Variants in PPP1R12B observed in about 807,000 individuals in gnomAD.
PPP1R12B encodes protein phosphatase 1 regulatory subunit 12B, also known as myosin phosphatase target subunit 2.
PPP1R12B carries 76 observed loss-of-function variants against 126.1 expected under a neutral mutation model. That is an observed-to-expected ratio of 0.60 (90% CI 0.50 to 0.73). The LOEUF (loss-of-function observed/expected upper bound fraction) is 0.73, where lower values mean the gene tolerates loss of function less well. PPP1R12B is among the 30% of genes least tolerant of loss of function. PPP1R12B has a pLI of 0.00. For missense variants in PPP1R12B, 1,052 were observed against 1,205.1 expected (o/e 0.87, Z 1.88); for synonymous variants, 356 against 434.7 (o/e 0.82, Z 2.25).
intron 23 of PPP1R12B, among the ~76,000 whole-genome samples, chr1:202,573,264 C>T (rs554582924): frequency 1.3e-5 from 2 of 152,226 alleles, no homozygotes; most frequent in African/African-American, 4.8e-5. Context: ...GAAGATTGCC[C>T]GGTCCTCACC....
In PPP1R12B at chr1:202,565,802, T is replaced by G. The variant is rs1687993206; in HGVS notation, c.2757+1255T>G. On this transcript the variant is annotated intron_variant, in intron 21 of 23. Coordinates refer to ENST00000608999, the MANE Select transcript of PPP1R12B (RefSeq NM_002481.4). The surrounding 1 kb of genome is among the most constrained non-coding windows in gnomAD (Gnocchi z 4.3). ...TTGTGGAATAAGAAAAGTAGGTTTC[T>G]AAATCTAAAAGAGAAAAATACACAC... 6.6e-6 allele frequency among the ~76,000 whole-genome samples: 1 copy of G among 151,448 alleles called. No homozygotes were observed. The highest frequency in any genetic ancestry group is 1.5e-5 in the Non-Finnish European group (1 of 67,926).
chr1:202,498,862 C>T (rs185805676), intron 18 of PPP1R12B, among the ~76,000 whole-genome samples: 16 of 152,254 alleles, frequency 1.1e-4, no homozygotes, highest in African/African-American at 3.1e-4. Flanking sequence ...CAGCTCTTTC[C>T]TTTCTTGGTT....
At chr1:202,530,624 A>G (rs1683833585) in intron 18 of PPP1R12B, among the ~76,000 whole-genome samples, 1 of 152,190 alleles carries the variant, frequency 6.6e-6, no homozygotes, top group South Asian at 2.1e-4. Flanking sequence ...GCATGATTAA[A>G]TATATGGGAG....
intron 23 of PPP1R12B, among the ~76,000 whole-genome samples, chr1:202,579,662 G>A (rs1022523921): frequency 3.3e-5 from 5 of 152,168 alleles, no homozygotes; most frequent in Non-Finnish European, 5.9e-5. Context: ...TTCCAGGATA[G>A]CAGAACTAAT....
chr1:202,362,877 A>G lies in PPP1R12B; in HGVS notation c.291+13735A>G, dbSNP rs181092609. On this transcript the variant is annotated intron_variant, in intron 1 of 23. Coordinates refer to ENST00000608999, the MANE Select transcript of PPP1R12B (RefSeq NM_002481.4). ...GAGACAGAGTTTCCCTCTGTTGCCC[A>G]GGCTGGAGTGCAATGGCACGATCTT... Among the ~76,000 whole-genome samples, 155 of 152,240 alleles carry G rather than the reference A, an allele frequency of 1.0e-3. 4 individuals are homozygous for G. The East Asian group carries it at 0.018, about 18-fold the overall frequency.
chr1:202,499,646 A>C (rs912617447), intron 18 of PPP1R12B, among the ~76,000 whole-genome samples: 3 of 152,232 alleles, frequency 2.0e-5, no homozygotes, highest in African/African-American at 7.2e-5. Flanking sequence ...AAATGATTCA[A>C]AATATCTATG....
At position 202,422,675 on chromosome 1, in the gene PPP1R12B, C is replaced by G; in HGVS notation, c.478C>G (p.Pro160Ala). ...VGIVNSEGEV[P>A]SDLAEEPAMK... ...TATTGTCAATAGTGAAGGTGAAGTT[C>G]CCTCTGACCTTGCAGAAGAGCCAGC... The change falls in exon 3 of 24, where the codon CCC (proline) becomes GCC (alanine). Residue 160 changes from proline (P) to alanine (A), a missense_variant. Physicochemically the swap from Pro to Ala is conservative, Grantham distance 27. Transcript: ENST00000608999. 1 of 1,613,764 alleles carries G rather than the reference C, an allele frequency of 6.2e-7. No homozygotes were observed. Among genetic ancestry groups the G allele is most frequent in the Non-Finnish European group, 8.5e-7 (1 of 1,179,790 alleles).
rs1451257511 is a variant in PPP1R12B at position 202,407,505 on chromosome 1, T to A, written c.292-9282T>A. Among the ~76,000 whole-genome samples the A allele has an allele frequency of 2.0e-5, 3 of 152,212 alleles. No individual in the cohort carries two copies. The East Asian group carries it at 5.8e-4, about 29-fold the overall frequency. ...GTCCAGAGCCTGCCTGACCACTGAGTACATAATCAGATATAGTTCTCACCA... is the reference window on the plus strand; with the variant it reads ...GTCCAGAGCCTGCCTGACCACTGAGAACATAATCAGATATAGTTCTCACCA... On this transcript the variant is annotated intron_variant, in intron 1 of 23. Transcript: ENST00000608999.
chr1:202,548,369 TG>T (rs1212112445), intron 18 of PPP1R12B, among the ~76,000 whole-genome samples: 12 of 152,252 alleles, frequency 7.9e-5, no homozygotes, highest in Admixed American at 5.2e-4. Context: ...TGTTTTGTTT[TG>T]TTTTTTTTGA....
Position 202,388,298 on chromosome 1 carries a change from C to T in PPP1R12B, c.292-28489C>T, listed in dbSNP as rs373396561. 6.1e-4 allele frequency among the ~76,000 whole-genome samples: 93 copies of T among 152,288 alleles called. No individual in the cohort carries two copies. The South Asian group carries it at 0.011, about 18-fold the overall frequency. On this transcript the variant is annotated intron_variant, in intron 1 of 23. Coordinates refer to ENST00000608999, the MANE Select transcript of PPP1R12B (RefSeq NM_002481.4). Reference sequence around the variant, plus strand: ...TCCTGAGTTCAAGCGATTCTTCTGCCTCAGCCTCCTGAGTAGCTGGGACTG... The same window carrying T: ...TCCTGAGTTCAAGCGATTCTTCTGCTTCAGCCTCCTGAGTAGCTGGGACTG...
intron 23 of PPP1R12B, among the ~76,000 whole-genome samples, chr1:202,570,043 G>A (rs567935867): frequency 6.6e-6 from 1 of 152,300 alleles, no homozygotes; most frequent in Admixed American, 6.5e-5. Context: ...TGAAACATCT[G>A]ATTCCTGCAA....
intron 18 of PPP1R12B, among the ~76,000 whole-genome samples, chr1:202,509,734 A>G (rs964359244): frequency 7.2e-5 from 11 of 152,142 alleles, no homozygotes; most frequent in African/African-American, 2.7e-4. Context: ...TGCCTTGTCA[A>G]CGCTTAGTCT....
chr1:202,447,640 A>T (rs886094037), intron 12 of PPP1R12B, among the ~76,000 whole-genome samples: 1 of 152,242 alleles, frequency 6.6e-6, no homozygotes, highest in East Asian at 1.9e-4. Flanking sequence ...ATTACACTGC[A>T]TTTCAAAATA....
intron 18 of PPP1R12B, among the ~76,000 whole-genome samples, chr1:202,511,803 T>C (rs2148895916): frequency 1.4e-5 from 2 of 145,378 alleles, no homozygotes; most frequent in South Asian, 2.2e-4. Flanking sequence ...TGAGATGGAG[T>C]TTCGCTCTTG....
intron 1 of PPP1R12B, among the ~76,000 whole-genome samples, chr1:202,351,016 G>A (rs147392075): frequency 4.6e-5 from 7 of 152,076 alleles, no homozygotes; most frequent in African/African-American, 1.7e-4. Flanking sequence ...TCCATTTATA[G>A]GGCTGACAAG....
At chr1:202,559,195 A>G (rs1437369802) in intron 19 of PPP1R12B, among the ~76,000 whole-genome samples, 2 of 152,212 alleles carry the variant, frequency 1.3e-5, no homozygotes, top group Admixed American at 6.5e-5. Context: ...TATTAGGGAA[A>G]CAACATGAAT....
intron 18 of PPP1R12B, among the ~76,000 whole-genome samples, chr1:202,517,231 C>T (rs1223054597): frequency 6.6e-6 from 1 of 152,034 alleles, no homozygotes; most frequent in East Asian, 1.9e-4. Context: ...TTCCTGCCAG[C>T]TCTCCCCTCC....
intron 22 of PPP1R12B, among the ~76,000 whole-genome samples, chr1:202,568,060 T>A: frequency 6.6e-6 from 1 of 152,152 alleles, no homozygotes; most frequent in East Asian, 1.9e-4. Context: ...ATATTTAGTC[T>A]TAGGGTGGGA....
chr1:202,478,674 A>C (rs1313676628), intron 13 of PPP1R12B, among the ~76,000 whole-genome samples: 2 of 152,178 alleles, frequency 1.3e-5, no homozygotes, highest in Non-Finnish European at 2.9e-5. Context: ...ACTTATATGC[A>C]GTAAAATAAA....
Sources: gnomAD v4.1 joint callset for allele counts (sites outside exome capture counted in the v4.1 genomes callset) on GRCh38, gnomAD v4.1.1 for gene constraint, Gnocchi (gnomAD v3.1) non-coding constraint, MANE v1.5 for transcripts, NCBI Gene and HGNC (gene_info 2026-07-23, HGNC 2026-07-21) for gene names.